Variants in SYPL1 observed in about 807,000 individuals in gnomAD.
SYPL1 encodes synaptophysin-like protein 1.
Under a neutral mutation model 23.7 loss-of-function variants are expected in SYPL1, and 6 were observed. The ratio of observed to expected loss-of-function variants is 0.25; its 90% CI spans 0.14 to 0.50. The LOEUF (loss-of-function observed/expected upper bound fraction) is 0.50. SYPL1 is among the 20% of genes least tolerant of loss of function. The probability of loss-of-function intolerance (pLI) is 0.98; values close to 1 mark genes in which losing one functional copy is unlikely to be tolerated. For missense variants in SYPL1, 253 were observed against 288.9 expected (o/e 0.88, Z 0.90); for synonymous variants, 102 against 104.5 (o/e 0.98, Z 0.15).
chr7:106,112,423 G>C (rs1585947571), upstream of SYPL1: 2 of 1,418,162 alleles, frequency 1.4e-6, no homozygotes, highest in Admixed American at 3.2e-5. Context: ...TGGGGCGGCT[G>C]GGGAGGCGAG....
At chr7:106,103,990 C>T (rs964840270) in intron 1 of SYPL1, among the ~76,000 whole-genome samples, 3 of 152,220 alleles carry the variant, frequency 2.0e-5, no homozygotes, top group Non-Finnish European at 2.9e-5. Flanking sequence ...GATTTATCTG[C>T]AGTCTATTCA....
chr7:106,090,543 A>T lies in SYPL1; in HGVS notation c.*1262T>A, dbSNP rs1340570117. 6.5e-6 allele frequency: 1 copy of T among 152,680 alleles called. No homozygotes were observed. Among genetic ancestry groups the T allele is most frequent in the Non-Finnish European group, 1.5e-5 (1 of 68,052 alleles). 9.5% of individuals were successfully genotyped at this position (152,680 alleles called of 1,614,324 possible). A position where few individuals can be genotyped will look rare whatever the true frequency, so the allele number is the denominator to read the frequency against. On this transcript the variant is annotated 3_prime_UTR_variant, in exon 5 of 5. Coordinates refer to ENST00000455385, the MANE Select transcript of SYPL1 (RefSeq NM_182715.4). ...CTTTATTAAATTGGTTGCAAAAAAG[A>T]TATACATTCTTATATTGACAATTCT... is the stretch of plus-strand genomic sequence containing the variant.
At position 106,100,809 on chromosome 7, in the gene SYPL1, C is replaced by A. The variant is rs564315773; in HGVS notation, c.70-1527G>T. Reference sequence around the variant, plus strand: ...AAAAATGTAAGGCAGAAAATGTTATCCTTTGCTCAAAACCCTCCAATGGCT... The same window carrying A: ...AAAAATGTAAGGCAGAAAATGTTATACTTTGCTCAAAACCCTCCAATGGCT... On this transcript the variant is annotated intron_variant, in intron 1 of 4. Transcript: ENST00000455385. The surrounding 1 kb of genome is among the most constrained non-coding windows in gnomAD (Gnocchi z 5.1). Among the ~76,000 whole-genome samples, 1 of 152,280 alleles carries A rather than the reference C, an allele frequency of 6.6e-6. No homozygotes were observed. The highest frequency in any genetic ancestry group is 2.1e-4 in the South Asian group (1 of 4,824).
rs1839760009 is a variant in SYPL1 at position 106,092,061 on chromosome 7, C to T, written c.592-122G>A. On this transcript the variant is annotated intron_variant, in intron 4 of 4. Transcript: ENST00000455385. ...TTTTAGGAAGTACGCCATTATTTCA[C>T]TTAAAGTTTAATACTACACACAATG... 3 of 967,640 alleles carry T rather than the reference C, an allele frequency of 3.1e-6. No individual in the cohort carries two copies. The East Asian group carries it at 7.9e-5, about 26-fold the overall frequency. The allele number at this position is 967,640 out of a possible 1,614,324, so 59.9% of individuals were successfully genotyped here.
rs1435888786 is a variant in SYPL1, at chr7:106,096,438, TATGA to T, written c.402+1248_402+1251del. On this transcript the variant is annotated intron_variant, in intron 3 of 4. Transcript: ENST00000455385. This position sits in a 1 kb window ranked among gnomAD's most constrained non-coding sequence, Gnocchi z 4.4. ...ATTAGCAGATGTGTTTTCTCATACA[TATGA>T]ATGACCAGTATCACACATAAAAAAC... 6.6e-6 allele frequency: 1 copy of T among 152,260 alleles called. No homozygotes were observed. Among genetic ancestry groups the T allele is most frequent in the Non-Finnish European group, 1.5e-5 (1 of 68,046 alleles). The allele number at this position is 152,260 out of a possible 1,614,324, so 9.4% of individuals were successfully genotyped here. A position where few individuals can be genotyped will look rare whatever the true frequency, so the allele number is the denominator to read the frequency against.
At chr7:106,094,611 G>C (rs1839923138) in intron 3 of SYPL1, among the ~76,000 whole-genome samples, 1 of 152,138 alleles carries the variant, frequency 6.6e-6, no homozygotes, top group African/African-American at 2.4e-5. Flanking sequence ...TTCTGCTGCA[G>C]GTAGACATTT....
chr7:106,107,159 T>C (rs186075409), intron 1 of SYPL1, among the ~76,000 whole-genome samples: 1 of 152,360 alleles, frequency 6.6e-6, no homozygotes. Context: ...TTAAGTCAAA[T>C]GATCATTCAG....
intron 1 of SYPL1, among the ~76,000 whole-genome samples, chr7:106,110,745 T>C (rs1192912928): frequency 6.9e-6 from 1 of 145,058 alleles, no homozygotes; most frequent in Non-Finnish European, 1.5e-5. Flanking sequence ...AAAAGCTAAG[T>C]CTACAGTTGT....
rs1410717832 is a variant in SYPL1 at position 106,097,880 on chromosome 7, A to C, written c.212T>G (p.Phe71Cys). 6.2e-7 allele frequency: 1 copy of C among 1,612,386 alleles called. No homozygotes were observed. The highest frequency in any genetic ancestry group is 1.7e-5 in the Admixed American group (1 of 59,988). ...GYPFRLNEAS[F>C]QPPPGVNICD... ...TATGTTTACACCTGGAGGTGGCTGA[A>C]ATGATGCCTCATTCAACCTATTAAA... is the stretch of plus-strand genomic sequence containing the variant. The change falls in exon 3 of 5, where the codon TTT becomes TGT. Residue 71 changes from phenylalanine (F) to cysteine (C), a missense_variant. Physicochemically the swap from Phe to Cys is radical, Grantham distance 205. Coordinates refer to ENST00000455385, the MANE Select transcript of SYPL1 (RefSeq NM_182715.4). The surrounding 1 kb of genome is among the most constrained non-coding windows in gnomAD (Gnocchi z 4.6).
At chr7:106,099,110 T>G (rs199598143) in intron 2 of SYPL1, 48 bp downstream of exon 2, 237 of 1,576,112 alleles carry the variant, frequency 1.5e-4, no homozygotes, top group Non-Finnish European at 1.9e-4. Flanking sequence ...AATGACTCAC[T>G]GTGAAAGTAA....
At chr7:106,110,780 G>C (rs1326915367) in intron 1 of SYPL1, among the ~76,000 whole-genome samples, 1 of 152,038 alleles carries the variant, frequency 6.6e-6, no homozygotes, top group African/African-American at 2.4e-5. Flanking sequence ...AAAAATATAA[G>C]CACAGATATA....
At position 106,091,631 on chromosome 7, in the gene SYPL1, A is replaced by C. The variant is rs1839733291; in HGVS notation, c.*174T>G. 1 of 588,692 alleles carries C rather than the reference A, an allele frequency of 1.7e-6. No individual in the cohort carries two copies. Among genetic ancestry groups the C allele is most frequent in the African/African-American group, 1.9e-5 (1 of 53,008 alleles). 36.5% of individuals were successfully genotyped at this position (588,692 alleles called of 1,614,324 possible). On this transcript the variant is annotated 3_prime_UTR_variant, in exon 5 of 5. Coordinates refer to ENST00000455385, the MANE Select transcript of SYPL1 (RefSeq NM_182715.4). The surrounding 1 kb of genome is among the most constrained non-coding windows in gnomAD (Gnocchi z 5.0). ...AATTTACATGTGAGAATACATTTAC[A>C]TCTTAACTTTCTAGGAAAGGCACAG...
At chr7:106,110,801 T>C (rs973791090) in intron 1 of SYPL1, among the ~76,000 whole-genome samples, 1 of 152,230 alleles carries the variant, frequency 6.6e-6, no homozygotes, top group African/African-American at 2.4e-5. Context: ...AACAACTGCC[T>C]CTTCATTTAA....
intron 3 of SYPL1, 114 bp from the exon 4 acceptor site, chr7:106,093,251 C>G (rs1839850137): frequency 2.0e-6 from 2 of 977,946 alleles, no homozygotes; most frequent in African/African-American, 3.3e-5. Flanking sequence ...GAGAAATGGC[C>G]TTCATGATAT....
Position 106,095,890 on chromosome 7 carries a change from A to G in SYPL1, c.402+1800T>C, listed in dbSNP as rs1391996729. Among the ~76,000 whole-genome samples the G allele has an allele frequency of 6.6e-6, 1 of 152,186 alleles. No homozygotes were observed. Among genetic ancestry groups the G allele is most frequent in the Non-Finnish European group, 1.5e-5 (1 of 68,030 alleles). On this transcript the variant is annotated intron_variant, in intron 3 of 4. Coordinates refer to ENST00000455385, the MANE Select transcript of SYPL1 (RefSeq NM_182715.4). This position sits in a 1 kb window ranked among gnomAD's most constrained non-coding sequence, Gnocchi z 4.3. Reference sequence around the variant, plus strand: ...AGTTTTATAGTTTTATCAGACAAAAACCACCTACAAAAATAGATTGGAATG... The same window carrying G: ...AGTTTTATAGTTTTATCAGACAAAAGCCACCTACAAAAATAGATTGGAATG...
At chr7:106,112,394 C>T, upstream of SYPL1, 1 of 1,353,464 alleles carries the variant, frequency 7.4e-7, no homozygotes. Context: ...CTGGCTGAGA[C>T]TCTGGGGCGG....
intron 1 of SYPL1, 106 bp from the exon 2 acceptor site, chr7:106,099,388 G>A: frequency 7.5e-7 from 1 of 1,328,706 alleles, no homozygotes; most frequent in Non-Finnish European, 1.0e-6. Context: ...TTAAAAATTG[G>A]CTAACATTCT....
Position 106,091,880 on chromosome 7 carries a change from C to T in SYPL1, c.651G>A (p.Glu217=). 1 of 1,613,686 alleles carries T rather than the reference C, an allele frequency of 6.2e-7. No individual in the cohort carries two copies. The highest frequency in any genetic ancestry group is 8.5e-7 in the Non-Finnish European group (1 of 1,179,824). ...WGGNAWFVYK[E]TSLHSPSNTS... is the part of the protein sequence containing the mutation. ...TATTTGATGGACTGTGTAGGCTGGT[C>T]TCCTTGTACACAAACCAAGCATTTC... Residue 217 remains glutamate, a synonymous_variant, in exon 5 of 5, where the codon GAG becomes GAA. Coordinates refer to ENST00000455385, the MANE Select transcript of SYPL1 (RefSeq NM_182715.4). The surrounding 1 kb of genome is among the most constrained non-coding windows in gnomAD (Gnocchi z 5.0).
chr7:106,111,965 C>G (rs1018574352), intron 1 of SYPL1, 175 bp downstream of exon 1: 1 of 823,250 alleles, frequency 1.2e-6, no homozygotes, highest in African/African-American at 1.8e-5. Context: ...CGTCTCCGCC[C>G]CGCGCGGCCC....
Sources: allele counts gnomAD v4.1 joint callset (sites outside exome capture counted in the v4.1 genomes callset), GRCh38; gene constraint gnomAD v4.1.1; non-coding constraint Gnocchi (gnomAD v3.1); transcripts MANE v1.5; gene names NCBI Gene and HGNC (gene_info 2026-07-23, HGNC 2026-07-21).